Variants in ARHGAP31 observed in about 807,000 individuals in gnomAD.
The protein encoded by ARHGAP31 is Rho GTPase activating protein 31.
Under a neutral mutation model 113.9 loss-of-function variants are expected in ARHGAP31, and 34 were observed. The ratio of observed to expected loss-of-function variants is 0.30; its 90% CI spans 0.23 to 0.40. The LOEUF (loss-of-function observed/expected upper bound fraction) is 0.40. Ranked by LOEUF, ARHGAP31 falls within the 10% of genes least tolerant of loss-of-function variation. ARHGAP31 has a pLI of 1.00. For missense variants in ARHGAP31, 1,548 were observed against 1,767.1 expected (o/e 0.88, Z 2.22); for synonymous variants, 650 against 684.8 (o/e 0.95, Z 0.79).
In ARHGAP31 at chr3:119,365,230, G is replaced by T. The variant is rs1341961240; in HGVS notation, c.101-86G>T. 4 of 1,093,986 alleles carry T rather than the reference G, an allele frequency of 3.7e-6. No individual in the cohort carries two copies. The East Asian group carries it at 1.0e-4, about 28-fold the overall frequency. 67.8% of individuals were successfully genotyped at this position (1,093,986 alleles called of 1,614,324 possible). On this transcript the variant is annotated intron_variant, in intron 1 of 11. Transcript: ENST00000264245. ...GTTCCATACTTACATCTCTTTGAAG[G>T]TACCTGGATTTTTAAAAGGATATCT...
intron 1 of ARHGAP31, among the ~76,000 whole-genome samples, chr3:119,316,242 C>T (rs1258961217): frequency 6.6e-6 from 1 of 152,152 alleles, no homozygotes; most frequent in Non-Finnish European, 1.5e-5. Context: ...GGGGATCTAA[C>T]AAGACAATGG....
intron 1 of ARHGAP31, among the ~76,000 whole-genome samples, chr3:119,352,765 C>G (rs2080120929): frequency 1.3e-5 from 2 of 152,166 alleles, no homozygotes; most frequent in South Asian, 2.1e-4. Context: ...TGTAGGGGAG[C>G]TTTATCATCA....
At chr3:119,326,048 C>G (rs1036974902) in intron 1 of ARHGAP31, among the ~76,000 whole-genome samples, 1 of 152,030 alleles carries the variant, frequency 6.6e-6, no homozygotes, top group Non-Finnish European at 1.5e-5. Context: ...AAACATTAGC[C>G]GGGCGTGGTG....
chr3:119,381,197 A>G (rs1315659548), intron 4 of ARHGAP31, among the ~76,000 whole-genome samples: 1 of 152,166 alleles, frequency 6.6e-6, no homozygotes, highest in Admixed American at 6.5e-5. Flanking sequence ...CCAGTCTCCA[A>G]ATCACCTGCA....
Position 119,340,714 on chromosome 3 carries a change from C to T in ARHGAP31, c.101-24602C>T, listed in dbSNP as rs114768532. Among the ~76,000 whole-genome samples the T allele has an allele frequency of 2.4e-3, 358 of 152,194 alleles. 4 individuals are homozygous for T. The highest frequency in any genetic ancestry group is 8.4e-3 in the African/African-American group (347 of 41,512). On this transcript the variant is annotated intron_variant, in intron 1 of 11. Transcript: ENST00000264245. ...TAGTGCGCAGTGTGGCCGTGGGTGCCGTTTCCATACACAAGCCAAGGCTGC... is the reference window on the plus strand; with the variant it reads ...TAGTGCGCAGTGTGGCCGTGGGTGCTGTTTCCATACACAAGCCAAGGCTGC...
chr3:119,341,328 G>A (rs1179243315), intron 1 of ARHGAP31, among the ~76,000 whole-genome samples: 1 of 152,178 alleles, frequency 6.6e-6, no homozygotes, highest in Non-Finnish European at 1.5e-5. Context: ...AGCTGGCGTT[G>A]CTGTTGCTGA....
At chr3:119,410,229 C>A (rs1190457694) in intron 11 of ARHGAP31, among the ~76,000 whole-genome samples, 1 of 152,234 alleles carries the variant, frequency 6.6e-6, no homozygotes, top group Non-Finnish European at 1.5e-5. Context: ...AGGATCCATT[C>A]TTTCCTTCCG....
chr3:119,343,730 T>A (rs902445583), intron 1 of ARHGAP31, among the ~76,000 whole-genome samples: 10 of 152,238 alleles, frequency 6.6e-5, no homozygotes, highest in African/African-American at 2.2e-4. Context: ...GGCTGGCTTC[T>A]TCCTTGCTCT....
intron 1 of ARHGAP31, among the ~76,000 whole-genome samples, chr3:119,354,476 T>TTGTGTGTGTGTG (rs5852200): frequency 1.4e-5 from 2 of 147,842 alleles, no homozygotes; most frequent in African/African-American, 2.5e-5. Flanking sequence ...TGTGTGTGGT[T>TTGTGTGTGTGTG]TGTGTGTGTG....
chr3:119,396,052 G>A (rs181843567), intron 8 of ARHGAP31, among the ~76,000 whole-genome samples: 123 of 152,264 alleles, frequency 8.1e-4, no homozygotes, highest in African/African-American at 2.8e-3. Flanking sequence ...CCATGAAAGA[G>A]GTTCACCAGT....
chr3:119,337,162 C>T (rs1011569313), intron 1 of ARHGAP31, among the ~76,000 whole-genome samples: 1 of 152,118 alleles, frequency 6.6e-6, no homozygotes, highest in African/African-American at 2.4e-5. Flanking sequence ...AGCCGCGGAC[C>T]CTGGCAGTGA....
Position 119,414,545 on chromosome 3 carries a change from A to T in ARHGAP31, c.2616A>T (p.Ser872=), listed in dbSNP as rs754191440. 4 of 1,614,108 alleles carry T rather than the reference A, an allele frequency of 2.5e-6. No individual in the cohort carries two copies. Among genetic ancestry groups the T allele is most frequent in the Non-Finnish European group, 3.4e-6 (4 of 1,180,046 alleles). Residue 872 remains serine (S), a synonymous_variant, in exon 12 of 12, where the codon TCA becomes TCT. Coordinates refer to ENST00000264245, the MANE Select transcript of ARHGAP31 (RefSeq NM_020754.4). ...CAACCAGGGAGGTTGAGATCGTCTC[A>T]CAAGAAGAGGAGGATGTAACCCATT... ...PSPTREVEIV[S]QEEEDVTHSV...
chr3:119,374,222 T>C (rs955870141), intron 3 of ARHGAP31, among the ~76,000 whole-genome samples: 2 of 152,138 alleles, frequency 1.3e-5, no homozygotes, highest in African/African-American at 4.8e-5. Flanking sequence ...CATGAATGGC[T>C]TAGCATCATC....
intron 3 of ARHGAP31, among the ~76,000 whole-genome samples, chr3:119,370,631 G>A (rs1272683127): frequency 6.6e-6 from 1 of 152,114 alleles, no homozygotes; most frequent in Non-Finnish European, 1.5e-5. Flanking sequence ...ACATATTGCT[G>A]TTTGGGGGAT....
intron 1 of ARHGAP31, chr3:119,298,868 T>C: frequency 8.8e-6 from 2 of 226,072 alleles, no homozygotes; most frequent in South Asian, 7.2e-5. Flanking sequence ...CGAAGTTGTA[T>C]GTAAAGCTAC....
At position 119,419,298 on chromosome 3, in the gene ARHGAP31, C is replaced by G. The variant is rs1454759432; in HGVS notation, c.*3034C>G. ...AAACGCATGCATGTACTGACGTTTT[C>G]TTTCAGCATTAGTGGTTGCTTAAGA... On this transcript the variant is annotated 3_prime_UTR_variant, in exon 12 of 12. Transcript: ENST00000264245. 1 of 152,220 alleles carries G rather than the reference C, an allele frequency of 6.6e-6. No homozygotes were observed. The highest frequency in any genetic ancestry group is 2.4e-5 in the African/African-American group (1 of 41,452). 9.4% of individuals were successfully genotyped at this position (152,220 alleles called of 1,614,324 possible). A position where few individuals can be genotyped will look rare whatever the true frequency, so the allele number is the denominator to read the frequency against.
chr3:119,404,188 G>T (rs931349516), intron 10 of ARHGAP31, among the ~76,000 whole-genome samples: 3 of 152,184 alleles, frequency 2.0e-5, no homozygotes, highest in Non-Finnish European at 4.4e-5. Context: ...TGTTTCCAAA[G>T]GCTTTTGTGA....
chr3:119,396,912 T>C (rs185282268), intron 8 of ARHGAP31, among the ~76,000 whole-genome samples: 1 of 152,282 alleles, frequency 6.6e-6, no homozygotes, highest in East Asian at 1.9e-4. Context: ...ATTGATTCCA[T>C]TTAAGTTTTT....
At chr3:119,367,810 T>C (rs1018725747) in intron 2 of ARHGAP31, among the ~76,000 whole-genome samples, 1 of 150,110 alleles carries the variant, frequency 6.7e-6, no homozygotes, top group African/African-American at 2.5e-5. Context: ...TGAGCCAAGA[T>C]TGTGCTGCTA....
Sources: allele counts gnomAD v4.1 joint callset (sites outside exome capture counted in the v4.1 genomes callset), GRCh38; gene constraint gnomAD v4.1.1; transcripts MANE v1.5; gene names NCBI Gene and HGNC (gene_info 2026-07-23, HGNC 2026-07-21).